Variants in STXBP4 observed in about 807,000 individuals in gnomAD.
STXBP4 encodes syntaxin binding protein 4.
A neutral mutation model predicts 76.1 loss-of-function variants in STXBP4; 55 were observed. That is an observed-to-expected ratio of 0.72 (90% confidence interval 0.58 to 0.91). STXBP4 has a LOEUF of 0.91. Ranked by LOEUF, STXBP4 falls within the 40% of genes least tolerant of loss-of-function variation. The pLI is 0.00. For synonymous variants in STXBP4, 201 were observed against 220.2 expected (o/e 0.91, Z 0.77); for missense variants, 618 against 636.9 (o/e 0.97, Z 0.32).
At chr17:55,153,262 A>T (rs1017830353) in intron 17 of STXBP4, among the ~76,000 whole-genome samples, 1 of 152,194 alleles carries the variant, frequency 6.6e-6, no homozygotes, top group Non-Finnish European at 1.5e-5. Flanking sequence ...TCATGAGAAA[A>T]CTGTAGAGGT....
chr17:55,100,792 A>C (rs1224325706), intron 16 of STXBP4, among the ~76,000 whole-genome samples: 2 of 152,212 alleles, frequency 1.3e-5, no homozygotes, highest in Non-Finnish European at 2.9e-5. Context: ...TAACTATACA[A>C]TACAGCAAAG....
chr17:55,197,302 T>A, the STXBP4 span, among the ~76,000 whole-genome samples: 1 of 152,104 alleles, frequency 6.6e-6, no homozygotes, highest in Non-Finnish European at 1.5e-5. Context: ...GCAATTCCCC[T>A]CAACATGAAA....
intron 16 of STXBP4, among the ~76,000 whole-genome samples, chr17:55,102,529 A>G (rs2079579585): frequency 1.3e-5 from 2 of 152,100 alleles, no homozygotes; most frequent in African/African-American, 4.8e-5. Flanking sequence ...TCTATCATTG[A>G]TGGGCATTTC....
chr17:55,008,758 C>T (rs554222018), intron 8 of STXBP4, among the ~76,000 whole-genome samples: 1 of 152,138 alleles, frequency 6.6e-6, no homozygotes, highest in East Asian at 1.9e-4. Flanking sequence ...ATAGGGAGGT[C>T]CTCTCTGGAA....
chr17:55,046,772 T>C (rs1164866635), intron 11 of STXBP4, among the ~76,000 whole-genome samples: 1 of 151,932 alleles, frequency 6.6e-6, no homozygotes, highest in African/African-American at 2.4e-5. Context: ...CAATTTGGTA[T>C]CTCTTTGGCA....
intron 8 of STXBP4, among the ~76,000 whole-genome samples, chr17:55,023,916 CAAAAAAA>C (rs61454264): frequency 2.8e-3 from 173 of 62,264 alleles, no homozygotes; most frequent in African/African-American, 0.01. Flanking sequence ...GGCCCTTTTC[CAAAAAAA>C]AAAAAAAAAA....
chr17:55,014,138 T>C (rs2078162488), intron 8 of STXBP4, among the ~76,000 whole-genome samples: 1 of 152,150 alleles, frequency 6.6e-6, no homozygotes, highest in East Asian at 1.9e-4. Context: ...AACAATTTTT[T>C]TGAGTCCTTG....
intron 17 of STXBP4, among the ~76,000 whole-genome samples, chr17:55,150,628 C>G (rs1297714424): frequency 6.6e-6 from 1 of 152,116 alleles, no homozygotes; most frequent in Non-Finnish European, 1.5e-5. Flanking sequence ...TAGTGTCATA[C>G]ATATATGTAT....
chr17:55,153,781 CA>C (rs1374008520), intron 17 of STXBP4, among the ~76,000 whole-genome samples: 1 of 152,152 alleles, frequency 6.6e-6, no homozygotes, highest in Admixed American at 6.5e-5. Context: ...GAAACGTTGA[CA>C]GTGGTCTTAT....
the STXBP4 span, among the ~76,000 whole-genome samples, chr17:55,185,063 G>T: frequency 1.3e-5 from 2 of 151,998 alleles, no homozygotes; most frequent in East Asian, 3.9e-4. Context: ...TAGAGATGAG[G>T]TCTTGCTTCA....
intron 17 of STXBP4, among the ~76,000 whole-genome samples, chr17:55,155,162 T>G (rs560163119): frequency 6.6e-6 from 1 of 152,260 alleles, no homozygotes; most frequent in Admixed American, 6.5e-5. Flanking sequence ...TGCCTGCAAT[T>G]TTCTCTTAAA....
rs1321830142 is a variant in STXBP4, at chr17:55,167,800, G to A, written c.*7889G>A. 1 of 152,120 alleles carries A rather than the reference G, an allele frequency of 6.6e-6. No individual in the cohort carries two copies. Among genetic ancestry groups the A allele is most frequent in the Non-Finnish European group, 1.5e-5 (1 of 68,016 alleles). The allele number at this position is 152,120 out of a possible 1,614,324, so 9.4% of individuals were successfully genotyped here. A position where few individuals can be genotyped will look rare whatever the true frequency, so the allele number is the denominator to read the frequency against. On this transcript the variant is annotated 3_prime_UTR_variant, in exon 18 of 18. Transcript: ENST00000376352. Reference sequence around the variant, plus strand: ...TATCTCATCTATAAGTAACCCCACTGGAATTGCTTGACTGTTCTGTTTCAC... The same window carrying A: ...TATCTCATCTATAAGTAACCCCACTAGAATTGCTTGACTGTTCTGTTTCAC...
chr17:55,109,702 T>C (rs1270896841), intron 16 of STXBP4, among the ~76,000 whole-genome samples: 1 of 147,358 alleles, frequency 6.8e-6, no homozygotes, highest in East Asian at 2.1e-4. Flanking sequence ...CAATCTCAGC[T>C]CACTGCAACC....
chr17:54,980,647 A>G (rs1169026324), intron 1 of STXBP4, among the ~76,000 whole-genome samples: 2 of 152,134 alleles, frequency 1.3e-5, no homozygotes, highest in Non-Finnish European at 2.9e-5. Context: ...AGTACTTTCC[A>G]TTTTTCATCT....
At chr17:55,158,359 C>T (rs933856259) in intron 17 of STXBP4, among the ~76,000 whole-genome samples, 10 of 152,200 alleles carry the variant, frequency 6.6e-5, no homozygotes, top group African/African-American at 2.4e-4. Context: ...TTCAGATGCA[C>T]TTGATCTAAG....
chr17:55,046,094 T>G (rs972927463), intron 11 of STXBP4, among the ~76,000 whole-genome samples: 66 of 152,190 alleles, frequency 4.3e-4, no homozygotes, highest in African/African-American at 1.5e-3. Context: ...GGGCTTTATT[T>G]AAGGAAGGCT....
At chr17:55,101,461 T>C (rs2079564930) in intron 16 of STXBP4, among the ~76,000 whole-genome samples, 1 of 152,210 alleles carries the variant, frequency 6.6e-6, no homozygotes, top group Non-Finnish European at 1.5e-5. Context: ...TGAATCTTCC[T>C]GAGAGAAATA....
intron 16 of STXBP4, among the ~76,000 whole-genome samples, chr17:55,084,050 C>T (rs1023442920): frequency 3.3e-5 from 5 of 152,108 alleles, no homozygotes; most frequent in South Asian, 2.1e-4. Flanking sequence ...CCTGAGGAAT[C>T]GCCACACTGA....
intron 16 of STXBP4, among the ~76,000 whole-genome samples, chr17:55,128,892 G>C (rs926251277): frequency 2.0e-5 from 3 of 150,574 alleles, no homozygotes; most frequent in African/African-American, 7.4e-5. Flanking sequence ...TGGAATTACA[G>C]GTGTGAGCCA....
Sources: allele counts gnomAD v4.1 joint callset (sites outside exome capture counted in the v4.1 genomes callset), GRCh38; gene constraint gnomAD v4.1.1; transcripts MANE v1.5; gene names NCBI Gene and HGNC (gene_info 2026-07-23, HGNC 2026-07-21).